The following PHACTR1 variants were observed in gnomAD, a reference collection of about 807,000 sequenced individuals.
PHACTR1 encodes RPEL repeat containing 1.
In PHACTR1, 16 loss-of-function variants were observed where a neutral mutation model predicts 69.2. The observed-to-expected ratio is 0.23, with a 90% CI of 0.16 to 0.35. PHACTR1 has a LOEUF of 0.35. PHACTR1 is among the 10% of genes least tolerant of loss of function. PHACTR1 has a pLI of 1.00. For missense variants in PHACTR1, 510 were observed against 734.7 expected (o/e 0.69, Z 3.54); for synonymous variants, 312 against 284.5 (o/e 1.10, Z -0.97).
Position 12,777,241 on chromosome 6 carries a change from A to ATTTTT in PHACTR1, c.250+27454_250+27458dup, listed in dbSNP as rs57971928. ...CGGTTTTATATATATATATATATAT[A>ATTTTT]TTTTTTTAATTTTTATTTTAGGTTC... On this transcript the variant is annotated intron_variant, in intron 4 of 14. Transcript: ENST00000332995. Among the ~76,000 whole-genome samples the ATTTTT allele has an allele frequency of 1.8e-3, 245 of 134,164 alleles. 1 individual carries two copies. Among genetic ancestry groups the ATTTTT allele is most frequent in the Non-Finnish European group, 2.9e-3 (171 of 59,962 alleles). The allele number at this position is 134,164 out of a possible 152,430, so 88.0% of individuals were successfully genotyped here.
At chr6:12,828,380 A>C (rs1777035436) in intron 4 of PHACTR1, among the ~76,000 whole-genome samples, 1 of 152,080 alleles carries the variant, frequency 6.6e-6, no homozygotes, top group Admixed American at 6.6e-5. Context: ...GATTAAAGTA[A>C]ATTTTGATTG....
At chr6:13,222,168 C>T (rs780512487) in intron 8 of PHACTR1, among the ~76,000 whole-genome samples, 2 of 152,108 alleles carry the variant, frequency 1.3e-5, no homozygotes, top group African/African-American at 4.8e-5. Flanking sequence ...GCAATGAAGT[C>T]CATTTGAATT....
At chr6:13,144,736 A>T (rs1434828922) in intron 5 of PHACTR1, among the ~76,000 whole-genome samples, 1 of 143,414 alleles carries the variant, frequency 7.0e-6, no homozygotes, top group Non-Finnish European at 1.5e-5. Flanking sequence ...ACTCCACTGT[A>T]CTCCAGCCTG....
In PHACTR1 at chr6:13,184,698, G is replaced by A. The variant is rs1324096960; in HGVS notation, c.664+2012G>A. On this transcript the variant is annotated intron_variant, in intron 7 of 14. Transcript: ENST00000332995. Reference sequence around the variant, plus strand: ...TGGCGGCCTGAAGCATCGGTGCTCCGCTGTGTTGCCAGCCCGAGTCCCTGT... The same window carrying A: ...TGGCGGCCTGAAGCATCGGTGCTCCACTGTGTTGCCAGCCCGAGTCCCTGT... 26 of 929,912 alleles carry A rather than the reference G, an allele frequency of 2.8e-5. No individual in the cohort carries two copies. In the East Asian group the frequency reaches 9.6e-4, roughly 34 times the overall value. 57.6% of individuals were successfully genotyped at this position (929,912 alleles called of 1,614,324 possible). A position where few individuals can be genotyped will look rare whatever the true frequency, so the allele number is the denominator to read the frequency against.
At chr6:12,838,166 A>G (rs770209106) in intron 4 of PHACTR1, among the ~76,000 whole-genome samples, 2 of 152,240 alleles carry the variant, frequency 1.3e-5, no homozygotes, top group African/African-American at 4.8e-5. Context: ...TACAGAAGTG[A>G]CAGCCCGTCC....
chr6:12,945,652 C>T (rs1790588383), intron 4 of PHACTR1, among the ~76,000 whole-genome samples: 1 of 152,146 alleles, frequency 6.6e-6, no homozygotes, highest in Non-Finnish European at 1.5e-5. Flanking sequence ...TGCTGCAGGA[C>T]TTCTCAGAGC....
At chr6:12,744,979 A>T (rs1352292571) in intron 3 of PHACTR1, among the ~76,000 whole-genome samples, 2 of 152,150 alleles carry the variant, frequency 1.3e-5, no homozygotes, top group Non-Finnish European at 2.9e-5. Context: ...TCTTTTGAAA[A>T]TCTAGGTATA....
chr6:13,014,502 C>A (rs1411753809), intron 4 of PHACTR1, among the ~76,000 whole-genome samples: 1 of 152,194 alleles, frequency 6.6e-6, no homozygotes, highest in African/African-American at 2.4e-5. Context: ...ACTGTTGCCC[C>A]GTCCTCCTAT....
At chr6:12,847,438 C>G (rs905498180) in intron 4 of PHACTR1, among the ~76,000 whole-genome samples, 1 of 152,150 alleles carries the variant, frequency 6.6e-6, no homozygotes, top group African/African-American at 2.4e-5. Context: ...TTATATGACA[C>G]AAAGCTCATT....
intron 4 of PHACTR1, among the ~76,000 whole-genome samples, chr6:12,840,303 T>C (rs530147963): frequency 6.9e-6 from 1 of 144,948 alleles, no homozygotes; most frequent in Non-Finnish European, 1.5e-5. Flanking sequence ...TGGATCTTTA[T>C]AGAATTCATC....
chr6:12,743,880 T>G (rs1453278129), intron 3 of PHACTR1, among the ~76,000 whole-genome samples: 1 of 152,180 alleles, frequency 6.6e-6, no homozygotes, highest in African/African-American at 2.4e-5. Flanking sequence ...ATCGCACTTA[T>G]TCCAAAATTG....
At chr6:13,213,519 C>T (rs1457020454) in intron 8 of PHACTR1, among the ~76,000 whole-genome samples, 1 of 152,192 alleles carries the variant, frequency 6.6e-6, no homozygotes, top group Non-Finnish European at 1.5e-5. Flanking sequence ...TGGATGGGAA[C>T]CATCCTTGTC....
At chr6:12,943,081 C>T (rs943627273) in intron 4 of PHACTR1, among the ~76,000 whole-genome samples, 8 of 152,290 alleles carry the variant, frequency 5.3e-5, no homozygotes, top group Admixed American at 1.3e-4. Context: ...TTCATAGCAG[C>T]GTTACTCACA....
chr6:12,861,700 T>G (rs1039423942), intron 4 of PHACTR1, among the ~76,000 whole-genome samples: 4 of 152,224 alleles, frequency 2.6e-5, no homozygotes, highest in Non-Finnish European at 1.5e-5. Context: ...TTCTTTAGAC[T>G]GCAATTAACC....
intron 5 of PHACTR1, among the ~76,000 whole-genome samples, chr6:13,140,254 A>G (rs944227170): frequency 6.6e-6 from 1 of 152,228 alleles, no homozygotes; most frequent in Non-Finnish European, 1.5e-5. Flanking sequence ...AAATGGAATT[A>G]CCATATAACC....
intron 10 of PHACTR1, among the ~76,000 whole-genome samples, chr6:13,261,605 C>T (rs2127420542): frequency 6.6e-6 from 1 of 152,342 alleles, no homozygotes; most frequent in East Asian, 1.9e-4. Flanking sequence ...GGACAGGAAG[C>T]TATCCCTGGT....
intron 4 of PHACTR1, among the ~76,000 whole-genome samples, chr6:12,804,772 C>T (rs776382273): frequency 6.6e-6 from 1 of 152,134 alleles, no homozygotes. Flanking sequence ...GCAATCCAGC[C>T]TGGGTGACAG....
At chr6:12,818,832 G>GA (rs754195282) in intron 4 of PHACTR1, among the ~76,000 whole-genome samples, 5 of 152,176 alleles carry the variant, frequency 3.3e-5, no homozygotes, top group Non-Finnish European at 7.3e-5. Flanking sequence ...GATTGGTCCA[G>GA]AACTCTCCAT....
intron 5 of PHACTR1, among the ~76,000 whole-genome samples, chr6:13,103,673 C>T (rs1815563156): frequency 6.6e-6 from 1 of 152,198 alleles, no homozygotes; most frequent in Non-Finnish European, 1.5e-5. Context: ...ACATAGCATC[C>T]TTATACCCCA....
Sources: allele counts gnomAD v4.1 joint callset (sites outside exome capture counted in the v4.1 genomes callset), GRCh38; gene constraint gnomAD v4.1.1; transcripts MANE v1.5; gene names NCBI Gene and HGNC (gene_info 2026-07-23, HGNC 2026-07-21).